The following CERS5 variants were observed in gnomAD, a reference collection of about 807,000 sequenced individuals.
CERS5 encodes ceramide synthase 5.
CERS5 carries 37 observed loss-of-function variants against 58.9 expected under a neutral mutation model. The observed-to-expected ratio is 0.63, with a 90% CI of 0.48 to 0.83. CERS5 has a LOEUF of 0.83. Ranked by LOEUF, CERS5 falls within the 40% of genes least tolerant of loss-of-function variation. The pLI is 0.00. For missense variants in CERS5, 398 were observed against 489.3 expected (o/e 0.81, Z 1.76); for synonymous variants, 147 against 177.8 (o/e 0.83, Z 1.38).
intron 8 of CERS5, 98 bp downstream of exon 8, chr12:50,135,629 GTAGAA>G (rs768501201): frequency 5.6e-6 from 5 of 897,246 alleles, no homozygotes; most frequent in African/African-American, 3.3e-5. Flanking sequence ...ATTGGCGAAA[GTAGAA>G]TAGAATAGAA....
chr12:50,153,762 C>G (rs1938250655), intron 1 of CERS5: 2 of 282,158 alleles, frequency 7.1e-6, no homozygotes, highest in Non-Finnish European at 1.4e-5. Flanking sequence ...TGAGACCAGC[C>G]TGGCCAATAT....
intron 1 of CERS5, among the ~76,000 whole-genome samples, chr12:50,161,962 CCTCCTAGGTTCAAGCGATT>C (rs1261362966): frequency 2.8e-5 from 4 of 144,496 alleles, no homozygotes; most frequent in Non-Finnish European, 6.0e-5. Context: ...GCAACCTCTG[CCTCCTAGGTTCAAGCGATT>C]CTCCTGCCTC....
chr12:50,148,735 T>C (rs750083165), intron 1 of CERS5: 6 of 183,122 alleles, frequency 3.3e-5, no homozygotes, highest in Admixed American at 6.1e-5. Flanking sequence ...CATCTTCTAC[T>C]AAAAATACAA....
At chr12:50,167,029 C>T in intron 1 of CERS5, 72 bp downstream of exon 1, 2 of 1,233,810 alleles carry the variant, frequency 1.6e-6, no homozygotes, top group Non-Finnish European at 1.1e-6. Context: ...GCTTCCGGCC[C>T]TCGGCCCTTC....
At chr12:50,144,768 C>T (rs1322116230) in intron 1 of CERS5, 1 of 1,515,066 alleles carries the variant, frequency 6.6e-7, no homozygotes, top group Non-Finnish European at 8.9e-7. Context: ...AAATCACTTA[C>T]CTCTTGGGTC....
At chr12:50,134,121 C>T (rs1233926186) in intron 9 of CERS5, 3 of 208,294 alleles carry the variant, frequency 1.4e-5, no homozygotes, top group African/African-American at 7.2e-5. Context: ...TGGCTCACAC[C>T]TGTAATTCCA....
intron 1 of CERS5, among the ~76,000 whole-genome samples, chr12:50,160,443 G>C (rs192830587): frequency 2.2e-4 from 33 of 152,188 alleles, no homozygotes; most frequent in Admixed American, 4.6e-4. Flanking sequence ...CTGAGAGAAT[G>C]GCATTGAGAA....
chr12:50,134,231 T>C (rs1475819824), intron 9 of CERS5, among the ~76,000 whole-genome samples: 1 of 151,644 alleles, frequency 6.6e-6, no homozygotes, highest in East Asian at 1.9e-4. Flanking sequence ...ATAAGAAAAT[T>C]AGCCAGGCGT....
At chr12:50,160,419 C>G (rs1182177611) in intron 1 of CERS5, among the ~76,000 whole-genome samples, 3 of 151,956 alleles carry the variant, frequency 2.0e-5, no homozygotes, top group African/African-American at 7.2e-5. Flanking sequence ...GCGAATGAGT[C>G]TGTTCAATCC....
intron 6 of CERS5, among the ~76,000 whole-genome samples, chr12:50,136,508 C>G (rs771329632): frequency 3.3e-5 from 5 of 152,020 alleles, no homozygotes; most frequent in Non-Finnish European, 7.4e-5. Flanking sequence ...TGCTTAGACT[C>G]TCCCTTGGCT....
Position 50,143,187 on chromosome 12 carries a change from C to A in CERS5, c.321G>T (p.Arg107Ser), listed in dbSNP as rs779766674. 6.2e-7 allele frequency: 1 copy of A among 1,613,962 alleles called. No homozygotes were observed. Among genetic ancestry groups the A allele is most frequent in the Admixed American group, 1.7e-5 (1 of 59,966 alleles). The change falls in exon 3 of 10, where the codon AGG becomes AGT. Residue 107 changes from arginine to serine, a missense_variant. Transcript: ENST00000317551. ...CCAGCTGCTTTGACAGGCCCTCCAGCCTTTTCTTATCAGGATACTGTGAAT... is the reference window on the plus strand; with the variant it reads ...CCAGCTGCTTTGACAGGCCCTCCAGACTTTTCTTATCAGGATACTGTGAAT... Reference protein sequence around the residue: ...ISITKYPDKKRLEGLSKQLDW... With the variant: ...ISITKYPDKKSLEGLSKQLDW...
At position 50,133,576 on chromosome 12, in the gene CERS5, G is replaced by A. The variant is rs535347576; in HGVS notation, c.1029+970C>T. 1.4e-4 allele frequency: 133 copies of A among 985,020 alleles called. No individual in the cohort carries two copies. In the Middle Eastern group the frequency reaches 4.7e-3, roughly 35 times the overall value. The allele number at this position is 985,020 out of a possible 1,614,324, so 61.0% of individuals were successfully genotyped here. On this transcript the variant is annotated intron_variant, in intron 9 of 9. Coordinates refer to ENST00000317551, the MANE Select transcript of CERS5 (RefSeq NM_147190.5). ...AATCTGCTTTTATACAGTTTATATG[G>A]TTCTGCATATGATTTCCTTTGAAAA...
chr12:50,132,834 C>T (rs900362413), intron 9 of CERS5: 2 of 1,131,718 alleles, frequency 1.8e-6, no homozygotes, highest in Middle Eastern at 3.7e-4. Context: ...CAATAATGGC[C>T]CCGAAAAGTC....
At chr12:50,143,822 A>G (rs963557433) in intron 2 of CERS5, 130 bp downstream of exon 2, 2 of 654,002 alleles carry the variant, frequency 3.1e-6, no homozygotes, top group African/African-American at 1.8e-5. Context: ...ATATAGCTAC[A>G]TGGACTACTC....
chr12:50,130,815 C>CA (rs956404240), intron 9 of CERS5, 121 bp from the exon 10 acceptor site: 16 of 815,380 alleles, frequency 2.0e-5, no homozygotes, highest in Non-Finnish European at 2.8e-5. Context: ...ACATCTAACT[C>CA]AAAGAAGTAT....
In CERS5 at chr12:50,137,804, A is replaced by C. The variant is rs2138047408; in HGVS notation, c.560T>G (p.Leu187Arg). 6.2e-7 allele frequency: 1 copy of C among 1,605,196 alleles called. No homozygotes were observed. The change falls in exon 6 of 10, where the codon CTT (leucine) becomes CGT (arginine). Residue 187 changes from leucine (L) to arginine (R), a missense_variant. Around this residue, in one of 3 missense-constraint regions of CERS5, gnomAD observed 328 missense variants for 384.5 expected, o/e 0.85. Transcript: ENST00000317551. Reference sequence around the variant, plus strand: ...CAATTCCATGATATAATAGTGATAAAGCCCACTTGAAAGAGGCTGGAAGAG... The same window carrying C: ...CAATTCCATGATATAATAGTGATAACGCCCACTTGAAAGAGGCTGGAAGAG... Reference protein sequence around the residue: ...NYPFQPLSSGLYHYYIMELAF... With the variant: ...NYPFQPLSSGRYHYYIMELAF...
chr12:50,143,885 T>C (rs1048074179), intron 2 of CERS5, 67 bp downstream of exon 2: 18 of 962,708 alleles, frequency 1.9e-5, no homozygotes, highest in Non-Finnish European at 3.0e-5. Context: ...ACGTGCTCTC[T>C]ATCCTCCCCT....
intron 1 of CERS5, among the ~76,000 whole-genome samples, chr12:50,148,277 T>A (rs552996713): frequency 6.6e-6 from 1 of 151,874 alleles, no homozygotes; most frequent in African/African-American, 2.4e-5. Flanking sequence ...CACTTCAGCC[T>A]GTGTGATAGA....
intron 1 of CERS5, chr12:50,165,932 G>A (rs1939828735): frequency 2.2e-6 from 1 of 454,936 alleles, no homozygotes; most frequent in South Asian, 1.6e-5. Context: ...AAGCCTCAGT[G>A]AATATCTTTA....
Sources: gnomAD v4.1 joint callset for allele counts (sites outside exome capture counted in the v4.1 genomes callset) on GRCh38, gnomAD v4.1.1 for gene constraint, gnomAD v4.1.1 regional missense constraint, MANE v1.5 for transcripts, NCBI Gene and HGNC (gene_info 2026-07-23, HGNC 2026-07-21) for gene names.